The following KCNN3 variants were observed in gnomAD, a reference collection of about 807,000 sequenced individuals.
The protein encoded by KCNN3 is small conductance calcium-activated potassium channel protein 3.
KCNN3 carries 16 observed loss-of-function variants against 62.9 expected under a neutral mutation model. The ratio of observed to expected loss-of-function variants is 0.25; its 90% CI spans 0.17 to 0.39. KCNN3 has a LOEUF of 0.39. Ranked by LOEUF, KCNN3 falls within the 10% of genes least tolerant of loss-of-function variation. The pLI is 1.00. For synonymous variants in KCNN3, 370 were observed against 389.2 expected (o/e 0.95, Z 0.58); for missense variants, 599 against 949.4 (o/e 0.63, Z 4.85).
In KCNN3 at chr1:154,789,248, C is replaced by T. The variant is rs578111799; in HGVS notation, c.1030-16855G>A. Among the ~76,000 whole-genome samples the T allele has an allele frequency of 5.3e-5, 8 of 152,316 alleles. No homozygotes were observed. The East Asian group carries it at 1.3e-3, about 26-fold the overall frequency. On this transcript the variant is annotated intron_variant, in intron 2 of 7. Transcript: ENST00000271915. ...ACTCGTCCTGCTTCCTCTTCGGTAG[C>T]TTCCTCTGCCTCCCTTTTCACAAAG...
intron 3 of KCNN3, among the ~76,000 whole-genome samples, chr1:154,746,428 A>G (rs1323344311): frequency 6.6e-6 from 1 of 152,066 alleles, no homozygotes; most frequent in Non-Finnish European, 1.5e-5. Context: ...GCATCTTCTC[A>G]AAGTTGCCAG....
At chr1:154,732,881 G>T (rs1200859514) in intron 4 of KCNN3, 122 bp downstream of exon 4, 1 of 961,478 alleles carries the variant, frequency 1.0e-6, no homozygotes. Context: ...CACACATGCA[G>T]GTCGGTTAAC....
At position 154,728,192 on chromosome 1, in the gene KCNN3, G is replaced by C. The variant is rs539564627; in HGVS notation, c.1591-2166C>G. Reference sequence around the variant, plus strand: ...TTTTAGCTGGCTGATTGCAGGGGGGGCTTTTAATGAGAAGCTAGAGTGTTT... The same window carrying C: ...TTTTAGCTGGCTGATTGCAGGGGGGCCTTTTAATGAGAAGCTAGAGTGTTT... On this transcript the variant is annotated intron_variant, in intron 4 of 7. Coordinates refer to ENST00000271915, the MANE Select transcript of KCNN3 (RefSeq NM_002249.6). Among the ~76,000 whole-genome samples, 12 of 152,232 alleles carry C rather than the reference G, an allele frequency of 7.9e-5. No individual in the cohort carries two copies. In the South Asian group the frequency reaches 1.9e-3, roughly 24 times the overall value.
At chr1:154,779,118 G>A (rs2101848039) in intron 2 of KCNN3, among the ~76,000 whole-genome samples, 1 of 152,264 alleles carries the variant, frequency 6.6e-6, no homozygotes, top group African/African-American at 2.4e-5. Flanking sequence ...CTGCATGACA[G>A]AAGCTCACCC....
intron 1 of KCNN3, among the ~76,000 whole-genome samples, chr1:154,855,449 A>C (rs1007340664): frequency 3.3e-5 from 5 of 152,174 alleles, no homozygotes; most frequent in African/African-American, 4.8e-5. Flanking sequence ...TAAGTGCCCT[A>C]TACAGGTGTA....
intron 4 of KCNN3, among the ~76,000 whole-genome samples, chr1:154,732,463 G>GA (rs1267974989): frequency 6.6e-6 from 1 of 152,216 alleles, no homozygotes; most frequent in Admixed American, 6.5e-5. Context: ...GGTGGAAGCA[G>GA]AAGCCTGGGA....
rs1168049163 is a variant in KCNN3 at position 154,749,854 on chromosome 1, G to C, written c.1449-16710C>G. Among the ~76,000 whole-genome samples the C allele has an allele frequency of 2.0e-5, 3 of 152,294 alleles. No homozygotes were observed. The East Asian group carries it at 5.8e-4, about 29-fold the overall frequency. On this transcript the variant is annotated intron_variant, in intron 3 of 7. Transcript: ENST00000271915. ...GGGGTCCCCACGGCCGTGGGGCTTG[G>C]GGAGACTACGGGATGCTCCCGGACC...
chr1:154,814,308 A>C (rs1266038142), intron 2 of KCNN3, among the ~76,000 whole-genome samples: 1 of 152,200 alleles, frequency 6.6e-6, no homozygotes, highest in South Asian at 2.1e-4. Context: ...ATTGAATAGC[A>C]CCTACTATGT....
At chr1:154,843,949 C>T (rs1435368692) in intron 1 of KCNN3, among the ~76,000 whole-genome samples, 1 of 152,220 alleles carries the variant, frequency 6.6e-6, no homozygotes, top group African/African-American at 2.4e-5. Flanking sequence ...TGCGGTGCCC[C>T]TGCCTCGGTG....
intron 7 of KCNN3, among the ~76,000 whole-genome samples, chr1:154,710,495 T>G (rs1051412115): frequency 6.6e-6 from 1 of 152,194 alleles, no homozygotes; most frequent in Non-Finnish European, 1.5e-5. Context: ...ACTCTTTCTT[T>G]CCAGGTAACT....
intron 1 of KCNN3, among the ~76,000 whole-genome samples, chr1:154,867,770 C>A (rs1000898803): frequency 3.6e-4 from 31 of 85,736 alleles, no homozygotes; most frequent in Non-Finnish European, 6.2e-4. Context: ...AATAGAAAAA[C>A]CCAAGCAACA....
At chr1:154,718,297 G>A (rs1375217071) in intron 5 of KCNN3, among the ~76,000 whole-genome samples, 1 of 150,758 alleles carries the variant, frequency 6.6e-6, no homozygotes, top group Non-Finnish European at 1.5e-5. Context: ...CTTTCACTCT[G>A]ATTGGGGCCA....
At chr1:154,800,346 C>T (rs1649902994) in intron 2 of KCNN3, among the ~76,000 whole-genome samples, 1 of 152,206 alleles carries the variant, frequency 6.6e-6, no homozygotes, top group South Asian at 2.1e-4. Flanking sequence ...GGCCAAGCTC[C>T]TGTGCTGATA....
intron 2 of KCNN3, among the ~76,000 whole-genome samples, chr1:154,793,492 C>A (rs1649603285): frequency 6.6e-6 from 1 of 152,202 alleles, no homozygotes; most frequent in African/African-American, 2.4e-5. Context: ...TAACAGACTC[C>A]ATTTAAAAGT....
chr1:154,761,919 G>T (rs12034376), intron 3 of KCNN3, among the ~76,000 whole-genome samples: 1 of 152,032 alleles, frequency 6.6e-6, no homozygotes, highest in Non-Finnish European at 1.5e-5. Flanking sequence ...CAGCCCGGGC[G>T]ACAGAATGAG....
intron 1 of KCNN3, among the ~76,000 whole-genome samples, chr1:154,832,545 C>T (rs1239574034): frequency 6.6e-6 from 1 of 152,154 alleles, no homozygotes; most frequent in African/African-American, 2.4e-5. Context: ...CAAATATTTA[C>T]TGCTCCACCT....
At chr1:154,712,931 G>T (rs1249744432) in intron 7 of KCNN3, among the ~76,000 whole-genome samples, 2 of 152,108 alleles carry the variant, frequency 1.3e-5, no homozygotes, top group Non-Finnish European at 2.9e-5. Context: ...TTCCTTGTAG[G>T]CTATCTGCCT....
At chr1:154,777,299 C>A (rs2101845853) in intron 2 of KCNN3, among the ~76,000 whole-genome samples, 1 of 152,254 alleles carries the variant, frequency 6.6e-6, no homozygotes, top group South Asian at 2.1e-4. Flanking sequence ...TGGCTCATCT[C>A]ACCCCACTCC....
intron 5 of KCNN3, among the ~76,000 whole-genome samples, chr1:154,718,966 C>T (rs1700288879): frequency 6.6e-6 from 1 of 152,214 alleles, no homozygotes; most frequent in Non-Finnish European, 1.5e-5. Context: ...AGAACACACA[C>T]CTCTTCCTTG....
Sources: allele counts gnomAD v4.1 joint callset (sites outside exome capture counted in the v4.1 genomes callset), GRCh38; gene constraint gnomAD v4.1.1; transcripts MANE v1.5; gene names NCBI Gene and HGNC (gene_info 2026-07-23, HGNC 2026-07-21).